The following MAP7D1 variants were observed in gnomAD, a reference collection of about 807,000 sequenced individuals.
The protein encoded by MAP7D1 is MAP7 domain containing 1, also known as MAP7 domain-containing protein 1.
MAP7D1 carries 30 observed loss-of-function variants against 97.5 expected under a neutral mutation model. That is an observed-to-expected ratio of 0.31 (90% CI 0.23 to 0.42). The LOEUF (loss-of-function observed/expected upper bound fraction) is 0.42. Ranked by LOEUF, MAP7D1 falls within the 10% of genes least tolerant of loss-of-function variation. The pLI, the probability that MAP7D1 is intolerant of heterozygous loss-of-function variation, is 1.00. For missense variants in MAP7D1, 1,184 were observed against 1,179.5 expected (o/e 1.00, Z -0.06); for synonymous variants, 536 against 477.1 (o/e 1.12, Z -1.61).
intron 8 of MAP7D1, among the ~76,000 whole-genome samples, chr1:36,177,160 G>C (rs1215393166): frequency 2.6e-5 from 4 of 152,174 alleles, no homozygotes; most frequent in Admixed American, 6.5e-5. Flanking sequence ...ACGTTGTCCA[G>C]GCTGATCTTG....
chr1:36,165,345 G>T (rs1644460743), intron 1 of MAP7D1, among the ~76,000 whole-genome samples: 1 of 151,950 alleles, frequency 6.6e-6, no homozygotes, highest in African/African-American at 2.4e-5. Flanking sequence ...CTGTTCTCAA[G>T]CTCCTGGCCT....
intron 4 of MAP7D1, 134 bp downstream of exon 4, chr1:36,172,761 C>A: frequency 9.8e-7 from 1 of 1,015,856 alleles, no homozygotes; most frequent in Non-Finnish European, 1.3e-6. Context: ...TTCACATCTA[C>A]AGTTGTGTCC....
At chr1:36,174,534 C>T (rs1644590541) in intron 5 of MAP7D1, among the ~76,000 whole-genome samples, 1 of 152,120 alleles carries the variant, frequency 6.6e-6, no homozygotes, top group African/African-American at 2.4e-5. Context: ...GGTGTTGTAT[C>T]CAAACGTCTT....
chr1:36,167,395 G>C (rs936041470), intron 1 of MAP7D1, among the ~76,000 whole-genome samples: 17 of 152,220 alleles, frequency 1.1e-4, no homozygotes, highest in African/African-American at 4.1e-4. Context: ...ATGGAAAACT[G>C]CCTGCTGGAT....
chr1:36,167,394 T>C (rs542218434), intron 1 of MAP7D1, among the ~76,000 whole-genome samples: 1 of 152,316 alleles, frequency 6.6e-6, no homozygotes, highest in South Asian at 2.1e-4. Context: ...GATGGAAAAC[T>C]GCCTGCTGGA....
chr1:36,163,817 C>CTTTTTTTTTTTTTTTTTT (rs869169250), intron 1 of MAP7D1, among the ~76,000 whole-genome samples: 1 of 86,784 alleles, frequency 1.2e-5, no homozygotes, highest in African/African-American at 4.7e-5. Flanking sequence ...TACTTTTTTT[C>CTTTTTTTTTTTTTTTTTT]TTTTTTTTTT....
chr1:36,176,479 A>G lies in MAP7D1; in HGVS notation c.1131A>G (p.Arg377=). 1 of 1,451,452 alleles carries G rather than the reference A, an allele frequency of 6.9e-7. No individual in the cohort carries two copies. Among genetic ancestry groups the G allele is most frequent in the South Asian group, 1.3e-5 (1 of 77,324 alleles). The allele number at this position is 1,451,452 out of a possible 1,614,324, so 89.9% of individuals were successfully genotyped here. A position where few individuals can be genotyped will look rare whatever the true frequency, so the allele number is the denominator to read the frequency against. Residue 377 remains arginine, a synonymous_variant, in exon 7 of 17, where the codon CGA becomes CGG. Coordinates refer to ENST00000474796, the MANE Select transcript of MAP7D1 (RefSeq NM_001388490.1). The surrounding 1 kb of genome is among the most constrained non-coding windows in gnomAD (Gnocchi z 6.1). The stretch of plus-strand genomic sequence containing the variant: ...CCCTGACGCCGTGCAGCGTCACCCG[A>G]AGCGTGCACCGCTGCGCCCCCGCCG... ...ASPLTPCSVT[R]SVHRCAPAGE... is the part of the protein sequence containing the mutation.
chr1:36,172,386 G>A (rs1644557002), intron 3 of MAP7D1, 78 bp from the exon 4 acceptor site: 1 of 1,343,216 alleles, frequency 7.4e-7, no homozygotes, highest in Non-Finnish European at 9.7e-7. Context: ...AGCAGGGCTG[G>A]CCACTTGGAG....
chr1:36,160,530 G>A (rs755925931), intron 1 of MAP7D1, among the ~76,000 whole-genome samples: 4 of 152,206 alleles, frequency 2.6e-5, no homozygotes, highest in Non-Finnish European at 4.4e-5. Context: ...CCTCACCACA[G>A]TCTCATGAGT....
intron 4 of MAP7D1, 30 bp from the exon 5 acceptor site, chr1:36,173,334 C>G: frequency 6.4e-7 from 1 of 1,551,020 alleles, no homozygotes; most frequent in Non-Finnish European, 8.9e-7. Context: ...TCTGAGTCCA[C>G]ATCTCTCTCT....
At chr1:36,173,643 C>G (rs190586073) in intron 5 of MAP7D1, among the ~76,000 whole-genome samples, 165 bp downstream of exon 5, 22 of 152,356 alleles carry the variant, frequency 1.4e-4, no homozygotes, top group Admixed American at 3.3e-4. Flanking sequence ...ACTGTCCCTT[C>G]CCAAGGACTT....
At chr1:36,180,149 C>T (rs1644697083) in intron 16 of MAP7D1, 82 bp downstream of exon 16, 15 of 1,609,656 alleles carry the variant, frequency 9.3e-6, no homozygotes, top group Non-Finnish European at 1.1e-5. Flanking sequence ...TCTCTTCTGG[C>T]TCTGCCAGGC....
At position 36,178,703 on chromosome 1, in the gene MAP7D1, G is replaced by C. The variant is rs771496115; in HGVS notation, c.1905G>C (p.Gln635His). The C allele has an allele frequency of 4.0e-5, 62 of 1,533,736 alleles. No homozygotes were observed. The African/African-American group carries it at 8.0e-4, about 20-fold the overall frequency. Reference sequence around the variant, plus strand: ...CCCCCAGGCGAATGCGAGAGGAGCAGCTGGCACGGGAGGCCGAGGCCCGGG... The same window carrying C: ...CCCCCAGGCGAATGCGAGAGGAGCACCTGGCACGGGAGGCCGAGGCCCGGG... ...AERDKRMREEQLAREAEARAE... is the reference protein window; with the variant it reads ...AERDKRMREEHLAREAEARAE... The change falls in exon 11 of 17, where the codon CAG becomes CAC. Residue 635 changes from glutamine (Q) to histidine (H), a missense_variant. Transcript: ENST00000474796.
chr1:36,165,041 C>T (rs1273578158), intron 1 of MAP7D1, among the ~76,000 whole-genome samples: 1 of 152,102 alleles, frequency 6.6e-6, no homozygotes, highest in Non-Finnish European at 1.5e-5. Flanking sequence ...GGTGTTAATG[C>T]CTATGGAGAA....
chr1:36,178,857 G>T (rs1406525581), intron 11 of MAP7D1, 34 bp downstream of exon 11: 8 of 1,545,638 alleles, frequency 5.2e-6, no homozygotes, highest in Non-Finnish European at 7.0e-6. Context: ...GCTGGGCGCG[G>T]GCGCCGCGGG....
intron 1 of MAP7D1, among the ~76,000 whole-genome samples, chr1:36,161,236 C>G (rs1185020456): frequency 6.6e-6 from 1 of 152,246 alleles, no homozygotes; most frequent in Non-Finnish European, 1.5e-5. Context: ...AGGGCACTCC[C>G]TCTCGGAGCC....
chr1:36,156,789 C>T (rs974399239), intron 1 of MAP7D1, among the ~76,000 whole-genome samples: 1 of 152,152 alleles, frequency 6.6e-6, no homozygotes, highest in Non-Finnish European at 1.5e-5. Flanking sequence ...CCGATTCACC[C>T]CGGGCCTTGA....
At chr1:36,178,259 T>TG in intron 9 of MAP7D1, 58 bp downstream of exon 9, 1 of 1,488,176 alleles carries the variant, frequency 6.7e-7, no homozygotes, top group Non-Finnish European at 9.0e-7. Context: ...TTCTCCTGTG[T>TG]GGGGGTGTGG....
Position 36,180,051 on chromosome 1 carries a change from G to C in MAP7D1, c.2496G>C (p.Gln832His). 1 of 1,613,938 alleles carries C rather than the reference G, an allele frequency of 6.2e-7. No individual in the cohort carries two copies. Among genetic ancestry groups the C allele is most frequent in the Non-Finnish European group, 8.5e-7 (1 of 1,179,904 alleles). The change falls in exon 16 of 17, where the codon CAG becomes CAC. Residue 832 changes from glutamine (Q) to histidine (H), a missense_variant. Physicochemically the swap from Gln to His is conservative, Grantham distance 24. Transcript: ENST00000474796. ...AEAFLKKAVV[Q>H]SPQVTEVL ...CCTTCCTCAAGAAAGCTGTGGTGCA[G>C]TCCCCGCAGGTCACAGGTAGATCTC...
Sources: gnomAD v4.1 joint callset for allele counts (sites outside exome capture counted in the v4.1 genomes callset) on GRCh38, gnomAD v4.1.1 for gene constraint, Gnocchi (gnomAD v3.1) non-coding constraint, MANE v1.5 for transcripts, NCBI Gene and HGNC (gene_info 2026-07-23, HGNC 2026-07-21) for gene names.